STXBP4: variants seen among roughly 807,000 people sequenced by gnomAD.
The protein encoded by STXBP4 is syntaxin binding protein 4.
Under a neutral mutation model 76.1 loss-of-function variants are expected in STXBP4, and 55 were observed. The observed-to-expected ratio is 0.72, with a 90% CI of 0.58 to 0.91. The LOEUF (loss-of-function observed/expected upper bound fraction) is 0.91, where lower values mean the gene tolerates loss of function less well. Among genes scored for constraint, STXBP4 ranks in the 40% least tolerant of loss-of-function variants. STXBP4 has a pLI of 0.00. For missense variants in STXBP4, 618 were observed against 636.9 expected (o/e 0.97, Z 0.32); for synonymous variants, 201 against 220.2 (o/e 0.91, Z 0.77).
At chr17:55,115,915 T>C (rs1217313369) in intron 16 of STXBP4, among the ~76,000 whole-genome samples, 8 of 151,880 alleles carry the variant, frequency 5.3e-5, no homozygotes, top group Admixed American at 3.9e-4. Flanking sequence ...ATTTATGTTC[T>C]AGGTTTAACC....
the STXBP4 span, among the ~76,000 whole-genome samples, chr17:55,197,573 T>C: frequency 6.6e-5 from 10 of 151,594 alleles, no homozygotes; most frequent in South Asian, 1.5e-3. Flanking sequence ...GAAATCCTGT[T>C]TCTACTAAAA....
At chr17:55,049,965 T>TA (rs1244029161) in intron 12 of STXBP4, among the ~76,000 whole-genome samples, 2 of 152,054 alleles carry the variant, frequency 1.3e-5, no homozygotes, top group Middle Eastern at 3.4e-3. Flanking sequence ...TTTCAGGGTA[T>TA]AAAAAATGAA....
At chr17:55,004,042 A>C (rs2077963064) in intron 7 of STXBP4, among the ~76,000 whole-genome samples, 1 of 151,962 alleles carries the variant, frequency 6.6e-6, no homozygotes. Flanking sequence ...AGCCAGGCAC[A>C]GTGGTGCACG....
chr17:55,101,516 CT>C (rs2079566009), intron 16 of STXBP4, among the ~76,000 whole-genome samples: 1 of 152,194 alleles, frequency 6.6e-6, no homozygotes, highest in Admixed American at 6.5e-5. Context: ...CAGCTTAACA[CT>C]TCTAGTACCT....
At chr17:55,187,437 A>C in the STXBP4 span, among the ~76,000 whole-genome samples, 16 of 152,066 alleles carry the variant, frequency 1.1e-4, no homozygotes, top group African/African-American at 3.9e-4. Context: ...TTTAAAAAAA[A>C]AAAAACAACA....
At chr17:55,143,450 C>T (rs1418453395) in intron 17 of STXBP4, among the ~76,000 whole-genome samples, 1 of 152,030 alleles carries the variant, frequency 6.6e-6, no homozygotes, top group Non-Finnish European at 1.5e-5. Flanking sequence ...CTAACTAGTG[C>T]CTTAAGAGAA....
chr17:54,969,854 C>T (rs939481068), intron 1 of STXBP4, among the ~76,000 whole-genome samples: 4 of 152,178 alleles, frequency 2.6e-5, no homozygotes, highest in Non-Finnish European at 4.4e-5. Flanking sequence ...AGTGTCCTTT[C>T]TGCTGAGGGA....
downstream of STXBP4, among the ~76,000 whole-genome samples, chr17:55,175,582 T>C (rs2080427029): frequency 2.6e-5 from 4 of 151,650 alleles, no homozygotes; most frequent in Admixed American, 2.6e-4. Context: ...TGGTGAGGGG[T>C]CAAAGAACAA....
intron 16 of STXBP4, among the ~76,000 whole-genome samples, chr17:55,122,872 T>G (rs1309135837): frequency 2.0e-5 from 3 of 152,226 alleles, no homozygotes; most frequent in African/African-American, 4.8e-5. Context: ...GAGTTACAAG[T>G]ATTTTATCCA....
rs555057810 is a variant in STXBP4 at position 55,164,842 on chromosome 17, G to A, written c.*4931G>A. The A allele has an allele frequency of 6.6e-6, 1 of 152,460 alleles. No individual in the cohort carries two copies. Among genetic ancestry groups the A allele is most frequent in the East Asian group, 1.9e-4 (1 of 5,168 alleles). The allele number at this position is 152,460 out of a possible 1,614,324, so 9.4% of individuals were successfully genotyped here. On this transcript the variant is annotated 3_prime_UTR_variant, in exon 18 of 18. Coordinates refer to ENST00000376352, the MANE Select transcript of STXBP4 (RefSeq NM_178509.6). ...GGGAGTAATAATGGGAGTCAGCTTCGTGAGGGCAGGGATTTTGTCTTCTTG... is the reference window on the plus strand; with the variant it reads ...GGGAGTAATAATGGGAGTCAGCTTCATGAGGGCAGGGATTTTGTCTTCTTG...
Position 54,990,857 on chromosome 17 carries a change from A to G in STXBP4, c.80A>G (p.Lys27Arg). ...DPAFQMITIA[K>R]ETGLGLKVLG... is the part of the protein sequence containing the mutation. ...GCCTTTCAGATGATTACAATTGCCA[A>G]GGAAACAGGCCTTGGCCTGAAGGTA... Residue 27 changes from lysine to arginine, a missense_variant, in exon 4 of 18, where the codon AAG becomes AGG. By Grantham distance (26) the Lys-to-Arg change is conservative (BLOSUM62 2). Coordinates refer to ENST00000376352, the MANE Select transcript of STXBP4 (RefSeq NM_178509.6). The G allele has an allele frequency of 1.2e-6, 2 of 1,605,366 alleles. No homozygotes were observed. Among genetic ancestry groups the G allele is most frequent in the South Asian group, 1.1e-5 (1 of 89,238 alleles).
the STXBP4 span, among the ~76,000 whole-genome samples, chr17:55,195,530 T>A: frequency 6.6e-6 from 1 of 152,176 alleles, no homozygotes; most frequent in Non-Finnish European, 1.5e-5. Flanking sequence ...CACTGCAGCC[T>A]CAACAACTCG....
intron 17 of STXBP4, 37 bp from the exon 18 acceptor site, chr17:55,159,760 T>A (rs1224989056): frequency 7.3e-7 from 1 of 1,377,522 alleles, no homozygotes; most frequent in East Asian, 2.3e-5. Flanking sequence ...AGAAGGACAG[T>A]CTTTCAGATT....
Position 55,057,203 on chromosome 17 carries a change from C to A in STXBP4, c.1011+10049C>A, listed in dbSNP as rs559054278. Among the ~76,000 whole-genome samples the A allele has an allele frequency of 2.9e-4, 44 of 152,214 alleles. 1 individual carries two copies. Among genetic ancestry groups the A allele is most frequent in the Middle Eastern group, 6.8e-3 (2 of 292 alleles). On this transcript the variant is annotated intron_variant, in intron 12 of 17. Transcript: ENST00000376352. ...TCTGGTTACTGAATAATAGATGCAC[C>A]TTCCTTTTGTTTAAGAAAACCTTTA... is the stretch of plus-strand genomic sequence containing the variant.
chr17:55,017,948 G>A (rs1051321720), intron 8 of STXBP4, among the ~76,000 whole-genome samples: 5 of 152,110 alleles, frequency 3.3e-5, no homozygotes, highest in Non-Finnish European at 1.5e-5. Flanking sequence ...AAGCAAAAGT[G>A]GTCCAATATT....
Position 55,099,204 on chromosome 17 carries a change from A to G in STXBP4, c.1489+18021A>G, listed in dbSNP as rs74947127. Among the ~76,000 whole-genome samples, 527 of 152,312 alleles carry G rather than the reference A, an allele frequency of 3.5e-3. 13 individuals carry two copies. Among genetic ancestry groups the G allele is most frequent in the Middle Eastern group, 0.027 (8 of 294 alleles). On this transcript the variant is annotated intron_variant, in intron 16 of 17. Coordinates refer to ENST00000376352, the MANE Select transcript of STXBP4 (RefSeq NM_178509.6). ...ATTCAGCTTTTTTGGAGCGCAGTCTAACTGTGTCTCTAGGAATCTAAATGT... is the reference window on the plus strand; with the variant it reads ...ATTCAGCTTTTTTGGAGCGCAGTCTGACTGTGTCTCTAGGAATCTAAATGT...
intron 1 of STXBP4, among the ~76,000 whole-genome samples, chr17:54,982,252 A>G (rs1191486867): frequency 6.6e-6 from 1 of 152,184 alleles, no homozygotes; most frequent in Admixed American, 6.5e-5. Flanking sequence ...GAGAATATAA[A>G]TTACTAAGTC....
the STXBP4 span, among the ~76,000 whole-genome samples, chr17:55,194,091 GC>G: frequency 7.2e-5 from 11 of 152,130 alleles, no homozygotes; most frequent in Admixed American, 5.2e-4. Context: ...TTACACATAT[GC>G]CTGCATTCAA....
chr17:55,158,093 G>T (rs997427138), intron 17 of STXBP4, among the ~76,000 whole-genome samples: 1 of 152,112 alleles, frequency 6.6e-6, no homozygotes, highest in Non-Finnish European at 1.5e-5. Context: ...TTGAGACAGG[G>T]TCTTGTTCTG....
Sources: allele counts gnomAD v4.1 joint callset (sites outside exome capture counted in the v4.1 genomes callset), GRCh38; gene constraint gnomAD v4.1.1; transcripts MANE v1.5; gene names NCBI Gene and HGNC (gene_info 2026-07-23, HGNC 2026-07-21).